FGD5: variants seen among roughly 807,000 people sequenced by gnomAD.
FGD5 encodes FYVE, RhoGEF and PH domain-containing protein 5.
Under a neutral mutation model 133.4 loss-of-function variants are expected in FGD5, and 28 were observed. The observed-to-expected ratio is 0.21, with a 90% CI of 0.16 to 0.29. FGD5 has a LOEUF of 0.29. Ranked by LOEUF, FGD5 falls within the 10% of genes least tolerant of loss-of-function variation. The pLI, the probability that FGD5 is intolerant of heterozygous loss-of-function variation, is 1.00. For synonymous variants in FGD5, 810 were observed against 776.5 expected (o/e 1.04, Z -0.72); for missense variants, 1,858 against 1,895.2 (o/e 0.98, Z 0.36).
chr3:14,932,304 A>G (rs1437353618), intron 18 of FGD5: 1 of 292,730 alleles, frequency 3.4e-6, no homozygotes, highest in Non-Finnish European at 6.3e-6. Flanking sequence ...GCTGGTCTCG[A>G]ACTCCTGACC....
At chr3:14,914,957 A>G (rs2038523401) in intron 11 of FGD5, among the ~76,000 whole-genome samples, 1 of 152,252 alleles carries the variant, frequency 6.6e-6, no homozygotes, top group Non-Finnish European at 1.5e-5. Context: ...ACAGGGCTTC[A>G]CAAACTAGAG....
chr3:14,893,745 C>CTT (rs1184804114), intron 4 of FGD5, among the ~76,000 whole-genome samples: 12 of 89,092 alleles, frequency 1.3e-4, no homozygotes, highest in African/African-American at 2.5e-4. Context: ...TCTTTCTTTT[C>CTT]TTTTTTCTTT....
At chr3:14,904,432 G>T (rs796884633) in intron 9 of FGD5, among the ~76,000 whole-genome samples, 3 of 152,120 alleles carry the variant, frequency 2.0e-5, no homozygotes, top group African/African-American at 7.2e-5. Flanking sequence ...AATTGTTTCA[G>T]CTTTGGCTAT....
chr3:14,922,653 C>T lies in FGD5; in HGVS notation c.3807+105C>T. 1.4e-6 allele frequency: 2 copies of T among 1,443,816 alleles called. No individual in the cohort carries two copies. Among genetic ancestry groups the T allele is most frequent in the South Asian group, 2.7e-5 (2 of 75,246 alleles). The allele number at this position is 1,443,816 out of a possible 1,614,324, so 89.4% of individuals were successfully genotyped here. A position where few individuals can be genotyped will look rare whatever the true frequency, so the allele number is the denominator to read the frequency against. ...AGGGATGTCCAGCAGCTACTGTAAG[C>T]CCCAGAGTGAGGCATGTTCACACCA... On this transcript the variant is annotated intron_variant, in intron 15 of 19. Coordinates refer to ENST00000285046, the MANE Select transcript of FGD5 (RefSeq NM_152536.4). The surrounding 1 kb of genome is among the most constrained non-coding windows in gnomAD (Gnocchi z 4.1).
chr3:14,819,614 T>C lies in FGD5; in HGVS notation c.543T>C (p.Ser181=), dbSNP rs1487922226. 7 of 1,551,170 alleles carry C rather than the reference T, an allele frequency of 4.5e-6. No homozygotes were observed. Among genetic ancestry groups the C allele is most frequent in the Non-Finnish European group, 6.1e-6 (7 of 1,146,866 alleles). The change falls in exon 1 of 20, where the codon AGT becomes AGC. Residue 181 remains serine (S), a synonymous_variant. Transcript: ENST00000285046. The surrounding 1 kb of genome is among the most constrained non-coding windows in gnomAD (Gnocchi z 4.1). ...QPHRECSLED[S]GPWAGEGVFQ... ...ACAGGGAGTGCAGCCTGGAGGACAG[T>C]GGGCCTTGGGCTGGAGAGGGGGTCT...
At chr3:14,867,104 G>A (rs2037509921) in intron 2 of FGD5, among the ~76,000 whole-genome samples, 1 of 152,182 alleles carries the variant, frequency 6.6e-6, no homozygotes, top group Non-Finnish European at 1.5e-5. Flanking sequence ...ATTGCACAAG[G>A]CATGCTCTAC....
At chr3:14,853,306 T>G (rs2037203108) in intron 1 of FGD5, among the ~76,000 whole-genome samples, 1 of 152,164 alleles carries the variant, frequency 6.6e-6, no homozygotes, top group Non-Finnish European at 1.5e-5. Context: ...GTGGAGCGAA[T>G]GTCTGAGGGT....
chr3:14,826,529 A>G (rs1575190476), intron 1 of FGD5, among the ~76,000 whole-genome samples: 1 of 152,188 alleles, frequency 6.6e-6, no homozygotes, highest in South Asian at 2.1e-4. Flanking sequence ...ACCTCTCTGT[A>G]CCTCAGTGTC....
intron 1 of FGD5, among the ~76,000 whole-genome samples, chr3:14,835,510 A>G (rs2036800894): frequency 7.3e-6 from 1 of 136,392 alleles, no homozygotes. Flanking sequence ...AAAAAAAAAA[A>G]GAAAAGAAAA....
intron 11 of FGD5, among the ~76,000 whole-genome samples, chr3:14,916,507 T>A (rs1290807997): frequency 6.6e-6 from 1 of 152,220 alleles, no homozygotes; most frequent in Non-Finnish European, 1.5e-5. Context: ...GCCCACCACT[T>A]CCCTGTCCTC....
intron 1 of FGD5, among the ~76,000 whole-genome samples, chr3:14,831,298 C>G (rs1443500109): frequency 2.6e-5 from 4 of 152,176 alleles, no homozygotes; most frequent in Admixed American, 1.3e-4. Flanking sequence ...TCCAAAGATA[C>G]TTGAATTATC....
intron 11 of FGD5, among the ~76,000 whole-genome samples, chr3:14,912,967 TG>T (rs2125146222): frequency 1.3e-5 from 2 of 151,614 alleles, no homozygotes; most frequent in South Asian, 4.2e-4. Context: ...ACCCAGGAGG[TG>T]GGGGTTGCAG....
intron 2 of FGD5, among the ~76,000 whole-genome samples, chr3:14,877,653 T>C (rs927905536): frequency 3.9e-5 from 6 of 152,136 alleles, no homozygotes; most frequent in East Asian, 1.9e-4. Context: ...CTTTGTGCCA[T>C]TGTGGCCACG....
chr3:14,827,281 CTTT>C (rs1176016508), intron 1 of FGD5, among the ~76,000 whole-genome samples: 5 of 104,752 alleles, frequency 4.8e-5, no homozygotes, highest in East Asian at 4.8e-4. Context: ...TTCTGGTATT[CTTT>C]TTTTTTTTTT....
At chr3:14,872,312 A>C (rs965147467) in intron 2 of FGD5, among the ~76,000 whole-genome samples, 3 of 152,232 alleles carry the variant, frequency 2.0e-5, no homozygotes, top group African/African-American at 7.2e-5. Flanking sequence ...AAGGTTTCAC[A>C]TGAGATGGAA....
At chr3:14,869,978 T>C (rs1002331778) in intron 2 of FGD5, among the ~76,000 whole-genome samples, 2 of 152,272 alleles carry the variant, frequency 1.3e-5, no homozygotes, top group Non-Finnish European at 2.9e-5. Context: ...CTGTATTATA[T>C]GGCGATTCTG....
intron 4 of FGD5, among the ~76,000 whole-genome samples, chr3:14,892,893 G>C (rs1307680314): frequency 2.0e-5 from 3 of 152,104 alleles, no homozygotes; most frequent in Non-Finnish European, 4.4e-5. Flanking sequence ...CCATAGTCCA[G>C]CTCCCCATCA....
At chr3:14,884,156 A>T (rs569169375) in intron 4 of FGD5, among the ~76,000 whole-genome samples, 1 of 152,328 alleles carries the variant, frequency 6.6e-6, no homozygotes, top group South Asian at 2.1e-4. Context: ...GTGAACAGCT[A>T]GAGATTTTGA....
chr3:14,816,969 C>G (rs2036378209), upstream of FGD5, among the ~76,000 whole-genome samples: 1 of 152,174 alleles, frequency 6.6e-6, no homozygotes, highest in Non-Finnish European at 1.5e-5. Context: ...CCAGTTAGAG[C>G]TGTGCTGGAC....
Sources: gnomAD v4.1 joint callset for allele counts (sites outside exome capture counted in the v4.1 genomes callset) on GRCh38, gnomAD v4.1.1 for gene constraint, Gnocchi (gnomAD v3.1) non-coding constraint, MANE v1.5 for transcripts, NCBI Gene and HGNC (gene_info 2026-07-23, HGNC 2026-07-21) for gene names.